NCAM2: variants seen among roughly 807,000 people sequenced by gnomAD.
NCAM2 encodes the protein neural cell adhesion molecule 2, also known as N-CAM-2.
A neutral mutation model predicts 98.1 loss-of-function variants in NCAM2; 30 were observed. The ratio of observed to expected loss-of-function variants is 0.31; its 90% CI spans 0.23 to 0.41. The LOEUF (loss-of-function observed/expected upper bound fraction) is 0.41. NCAM2 is among the 10% of genes least tolerant of loss of function. The pLI is 1.00. For missense variants in NCAM2, 867 were observed against 1,005.8 expected, an observed-to-expected ratio of 0.86 and a Z score of 1.87; for synonymous variants, 368 against 342.4, an observed-to-expected ratio of 1.07 and a Z score of -0.83.
intron 1 of NCAM2, among the ~76,000 whole-genome samples, chr21:21,164,651 T>A (rs2067894697): frequency 6.6e-6 from 1 of 152,216 alleles, no homozygotes; most frequent in Non-Finnish European, 1.5e-5. Flanking sequence ...TCTTCAGATT[T>A]TTTAAACCTA....
chr21:21,277,914 A>G (rs1167891414), intron 1 of NCAM2, among the ~76,000 whole-genome samples: 1 of 152,146 alleles, frequency 6.6e-6, no homozygotes, highest in Non-Finnish European at 1.5e-5. Flanking sequence ...TATATTGGCA[A>G]TGTTTGAAAA....
chr21:21,070,398 C>T (rs923150320), intron 1 of NCAM2, among the ~76,000 whole-genome samples: 2 of 151,464 alleles, frequency 1.3e-5, no homozygotes, highest in Non-Finnish European at 2.9e-5. Context: ...GTCAAAATGC[C>T]ATATAATTAG....
At chr21:21,363,031 A>AATATATATATATTTATATATATAAAAT (rs2075687729) in intron 8 of NCAM2, among the ~76,000 whole-genome samples, 1 of 152,190 alleles carries the variant, frequency 6.6e-6, no homozygotes, top group South Asian at 2.1e-4. Context: ...TTTAAAACAA[A>AATATATATATATTTATATATATAAAAT]ACACAAATTT....
chr21:21,438,397 C>T (rs558203042), intron 12 of NCAM2, among the ~76,000 whole-genome samples: 1 of 152,104 alleles, frequency 6.6e-6, no homozygotes, highest in East Asian at 1.9e-4. Flanking sequence ...GCACCTGGTC[C>T]TAGGTTTAAG....
chr21:21,424,400 G>A (rs763764306), intron 11 of NCAM2, among the ~76,000 whole-genome samples: 3 of 152,144 alleles, frequency 2.0e-5, no homozygotes, highest in Non-Finnish European at 4.4e-5. Context: ...ATAAGTTGGA[G>A]TTCAAAAGAT....
At position 21,307,356 on chromosome 21, in the gene NCAM2, C is replaced by T. The variant is rs560840082; in HGVS notation, c.619+15115C>T. ...ACATATAATGTAAAAAATACCCCCT[C>T]CAGCCTTTGTGCTAAGTTTATCAGA... On this transcript the variant is annotated intron_variant, in intron 5 of 17. Coordinates refer to ENST00000400546, the MANE Select transcript of NCAM2 (RefSeq NM_004540.5). 2.6e-5 allele frequency among the ~76,000 whole-genome samples: 4 copies of T among 152,234 alleles called. No individual in the cohort carries two copies. In the South Asian group the frequency reaches 6.2e-4, roughly 24 times the overall value.
intron 1 of NCAM2, among the ~76,000 whole-genome samples, chr21:21,196,736 A>G (rs996973924): frequency 6.6e-6 from 1 of 152,172 alleles, no homozygotes; most frequent in Non-Finnish European, 1.5e-5. Flanking sequence ...AAATGTTGTG[A>G]TTTTATTTTG....
intron 16 of NCAM2, among the ~76,000 whole-genome samples, chr21:21,516,236 C>T (rs142065508): frequency 5.5e-4 from 83 of 152,200 alleles, no homozygotes; most frequent in African/African-American, 9.6e-4. Context: ...GGTCTACAGT[C>T]TCTGAGAAAT....
At chr21:21,510,882 A>G (rs1490603851) in intron 16 of NCAM2, among the ~76,000 whole-genome samples, 1 of 152,078 alleles carries the variant, frequency 6.6e-6, no homozygotes, top group Admixed American at 6.6e-5. Flanking sequence ...CGCTCAAATC[A>G]AGAAAAAGAA....
intron 1 of NCAM2, among the ~76,000 whole-genome samples, chr21:21,154,417 CTTAA>C (rs2067546436): frequency 6.6e-6 from 1 of 151,652 alleles, no homozygotes; most frequent in Admixed American, 6.6e-5. Context: ...AGGATTTTAA[CTTAA>C]TTAGTTGTGA....
chr21:21,375,771 A>G (rs2076020090), intron 9 of NCAM2, among the ~76,000 whole-genome samples: 1 of 151,652 alleles, frequency 6.6e-6, no homozygotes, highest in African/African-American at 2.4e-5. Flanking sequence ...AAGCATGCCA[A>G]GATATGATTT....
chr21:21,424,593 A>G (rs1293798967), intron 11 of NCAM2, among the ~76,000 whole-genome samples: 2 of 152,160 alleles, frequency 1.3e-5, no homozygotes, highest in Non-Finnish European at 1.5e-5. Context: ...TTACACTTGT[A>G]CATAGGCACT....
chr21:21,153,295 C>A (rs762350532), intron 1 of NCAM2, among the ~76,000 whole-genome samples: 1 of 150,068 alleles, frequency 6.7e-6, no homozygotes, highest in Non-Finnish European at 1.5e-5. Context: ...GTTTAAATGT[C>A]ATTTTTTTTT....
intron 1 of NCAM2, among the ~76,000 whole-genome samples, chr21:21,249,372 G>A (rs559283203): frequency 6.6e-6 from 1 of 152,188 alleles, no homozygotes; most frequent in East Asian, 1.9e-4. Flanking sequence ...TAGAACTGTG[G>A]TTCATAACTG....
chr21:21,027,600 T>C (rs569232504), intron 1 of NCAM2, among the ~76,000 whole-genome samples: 1 of 152,302 alleles, frequency 6.6e-6, no homozygotes, highest in East Asian at 1.9e-4. Flanking sequence ...AGACTATAGC[T>C]TAATTTCAAG....
intron 1 of NCAM2, among the ~76,000 whole-genome samples, chr21:21,212,739 G>C (rs1233289485): frequency 5.3e-5 from 7 of 131,928 alleles, no homozygotes; most frequent in Non-Finnish European, 1.1e-4. Context: ...GCAATTATCT[G>C]TGCTTTTTTT....
At chr21:21,496,602 A>C (rs1360765390) in intron 15 of NCAM2, among the ~76,000 whole-genome samples, 1 of 152,066 alleles carries the variant, frequency 6.6e-6, no homozygotes, top group Non-Finnish European at 1.5e-5. Context: ...GCTATACAGA[A>C]GCTCTTTAGT....
intron 9 of NCAM2, among the ~76,000 whole-genome samples, chr21:21,391,328 T>C (rs923004624): frequency 1.3e-5 from 2 of 152,196 alleles, no homozygotes; most frequent in Admixed American, 1.3e-4. Flanking sequence ...AATCTACTTA[T>C]GTAGAATAGC....
intron 12 of NCAM2, among the ~76,000 whole-genome samples, chr21:21,454,567 ATAACTTTCCTGCATTTGTCGG>A (rs1313337654): frequency 6.6e-6 from 1 of 151,992 alleles, no homozygotes; most frequent in East Asian, 1.9e-4. Context: ...AATATTTTAA[ATAACTTTCCTGCATTTGTCGG>A]TTTCAGCAGG....
Sources: gnomAD v4.1 joint callset for allele counts (sites outside exome capture counted in the v4.1 genomes callset) on GRCh38, gnomAD v4.1.1 for gene constraint, MANE v1.5 for transcripts, NCBI Gene and HGNC (gene_info 2026-07-23, HGNC 2026-07-21) for gene names.